FAAH: variants seen among roughly 807,000 people sequenced by gnomAD.
FAAH encodes the protein fatty-acid amide hydrolase 1.
Under a neutral mutation model 69.7 loss-of-function variants are expected in FAAH, and 63 were observed. The observed-to-expected ratio is 0.90, with a 90% CI of 0.74 to 1.12. The LOEUF (loss-of-function observed/expected upper bound fraction) is 1.12. Among genes scored for constraint, FAAH ranks in the 50% most tolerant of loss-of-function variants. FAAH has a pLI of 0.00. For synonymous variants in FAAH, 305 were observed against 324.2 expected, an observed-to-expected ratio of 0.94 and a Z score of 0.64; for missense variants, 680 against 755.0, an observed-to-expected ratio of 0.90 and a Z score of 1.16.
rs757026917 is a variant in FAAH, at chr1:46,405,100, C to T, written c.396C>T (p.Gly132=). ...ETQLSQAPRQ[G]LLYGVPVSLK... is the part of the protein sequence containing the mutation. ...AGCTGTCTCAGGCCCCAAGGCAGGG[C>T]CTGCTCTATGGCGTCCCTGTGAGCC... Residue 132 remains glycine, a synonymous_variant, in exon 3 of 15, where the codon GGC becomes GGT. Transcript: ENST00000243167. The surrounding 1 kb of genome is among the most constrained non-coding windows in gnomAD (Gnocchi z 4.1). The T allele has an allele frequency of 5.6e-6, 9 of 1,613,790 alleles. No homozygotes were observed. Among genetic ancestry groups the T allele is most frequent in the Admixed American group, 1.7e-5 (1 of 60,006 alleles).
rs982970444 is a variant in FAAH at position 46,411,747 on chromosome 1, T to C, written c.1356+96T>C. On this transcript the variant is annotated intron_variant, in intron 12 of 14. Transcript: ENST00000243167. The surrounding 1 kb of genome is among the most constrained non-coding windows in gnomAD (Gnocchi z 4.8). Reference sequence around the variant, plus strand: ...CAGTGTCTCGTGGCCACTGCCCCCATGGGGCTCCTAGACTGGCCTGTCATC... The same window carrying C: ...CAGTGTCTCGTGGCCACTGCCCCCACGGGGCTCCTAGACTGGCCTGTCATC... 7.2e-6 allele frequency: 10 copies of C among 1,384,468 alleles called. No homozygotes were observed. Among genetic ancestry groups the C allele is most frequent in the African/African-American group, 1.4e-5 (1 of 70,034 alleles). The allele number at this position is 1,384,468 out of a possible 1,614,324, so 85.8% of individuals were successfully genotyped here.
chr1:46,395,718 C>T (rs941828249), intron 1 of FAAH, among the ~76,000 whole-genome samples: 1 of 152,162 alleles, frequency 6.6e-6, no homozygotes. Flanking sequence ...AGCAGATGTT[C>T]CGCAAGTGAT....
intron 8 of FAAH, 97 bp downstream of exon 8, chr1:46,408,681 C>CT (rs1241700697): frequency 6.3e-7 from 1 of 1,584,726 alleles, no homozygotes; most frequent in African/African-American, 1.3e-5. Context: ...TCCTGGCACT[C>CT]TGACGATGTT....
At chr1:46,409,927 T>C (rs1310698523) in intron 9 of FAAH, 5 of 179,164 alleles carry the variant, frequency 2.8e-5, no homozygotes, top group Non-Finnish European at 4.8e-5. Context: ...CAGGCTTCAG[T>C]GGAAGGGGTC....
At position 46,405,050 on chromosome 1, in the gene FAAH, T is replaced by C. The variant is rs751700841; in HGVS notation, c.346T>C (p.Ser116Pro). ...EVNKGTNCVT[S>P]YLADCETQLS... Reference sequence around the variant, plus strand: ...GAACAAAGGGACCAACTGTGTGACCTCCTATCTGGCTGACTGTGAGACTCA... The same window carrying C: ...GAACAAAGGGACCAACTGTGTGACCCCCTATCTGGCTGACTGTGAGACTCA... The change falls in exon 3 of 15, where the codon TCC (serine) becomes CCC (proline). Residue 116 changes from serine to proline, a missense_variant. Transcript: ENST00000243167. This position sits in a 1 kb window ranked among gnomAD's most constrained non-coding sequence, Gnocchi z 4.1. The C allele has an allele frequency of 1.9e-6, 3 of 1,614,100 alleles. No individual in the cohort carries two copies. The highest frequency in any genetic ancestry group is 2.5e-6 in the Non-Finnish European group (3 of 1,180,030).
chr1:46,410,873 C>G lies in FAAH; in HGVS notation c.1316+19C>G. 1 of 1,614,146 alleles carries G rather than the reference C, an allele frequency of 6.2e-7. No individual in the cohort carries two copies. Among genetic ancestry groups the G allele is most frequent in the Non-Finnish European group, 8.5e-7 (1 of 1,180,014 alleles). ...AGTCTCGGTAAGGGTTCTTCTGTGT[C>G]TAGCTGCCGGCCCCTGCCTGTCCTG... On this transcript the variant is annotated intron_variant, in intron 11 of 14. Coordinates refer to ENST00000243167, the MANE Select transcript of FAAH (RefSeq NM_001441.3). The surrounding 1 kb of genome is among the most constrained non-coding windows in gnomAD (Gnocchi z 4.9).
At chr1:46,403,441 GGCCACCCTGGCCC>G (rs1664739023) in intron 2 of FAAH, among the ~76,000 whole-genome samples, 1 of 152,082 alleles carries the variant, frequency 6.6e-6, no homozygotes, top group Admixed American at 6.6e-5. Flanking sequence ...CATCCCCTTT[GGCCACCCTGGCCC>G]GCCACCACCA....
In FAAH at chr1:46,413,622, G is replaced by A. The variant is rs376477053; in HGVS notation, c.*47G>A. 11 of 1,613,154 alleles carry A rather than the reference G, an allele frequency of 6.8e-6. No individual in the cohort carries two copies. The African/African-American group carries it at 1.3e-4, about 20-fold the overall frequency. ...TGAGACTCACACTCTCTGCAGCCCA[G>A]CCTAGTCAGGGCACAGCTGCCCTGC... On this transcript the variant is annotated 3_prime_UTR_variant, in exon 15 of 15. Transcript: ENST00000243167.
chr1:46,398,575 C>T (rs929264142), intron 1 of FAAH, among the ~76,000 whole-genome samples: 1 of 149,840 alleles, frequency 6.7e-6, no homozygotes, highest in African/African-American at 2.4e-5. Flanking sequence ...GCTCTGTTGC[C>T]CAGGCTGGAG....
Position 46,411,784 on chromosome 1 carries a change from C to T in FAAH, c.1356+133C>T, listed in dbSNP as rs995902430. 23 of 967,342 alleles carry T rather than the reference C, an allele frequency of 2.4e-5. No individual in the cohort carries two copies. Among genetic ancestry groups the T allele is most frequent in the Admixed American group, 6.2e-5 (3 of 48,138 alleles). The allele number at this position is 967,342 out of a possible 1,614,324, so 59.9% of individuals were successfully genotyped here. A position where few individuals can be genotyped will look rare whatever the true frequency, so the allele number is the denominator to read the frequency against. On this transcript the variant is annotated intron_variant, in intron 12 of 14. Coordinates refer to ENST00000243167, the MANE Select transcript of FAAH (RefSeq NM_001441.3). This position sits in a 1 kb window ranked among gnomAD's most constrained non-coding sequence, Gnocchi z 4.8. ...ACTGGCCTGTCATCCCCCTTCCACT[C>T]CCTGGACCACCACTTGGGCCCAGCT...
intron 2 of FAAH, among the ~76,000 whole-genome samples, chr1:46,403,156 A>T (rs2148447665): frequency 6.8e-6 from 1 of 147,294 alleles, no homozygotes; most frequent in African/African-American, 2.5e-5. Flanking sequence ...TTGAGATGGG[A>T]GTCTTGCTCT....
At chr1:46,395,803 A>C (rs1161258111) in intron 1 of FAAH, among the ~76,000 whole-genome samples, 2 of 152,180 alleles carry the variant, frequency 1.3e-5, no homozygotes, top group African/African-American at 4.8e-5. Context: ...CGTGGAGAGG[A>C]ACAGGAGAGA....
Position 46,405,215 on chromosome 1 carries a change from G to C in FAAH, c.444+67G>C. On this transcript the variant is annotated intron_variant, in intron 3 of 14. Coordinates refer to ENST00000243167, the MANE Select transcript of FAAH (RefSeq NM_001441.3). The surrounding 1 kb of genome is among the most constrained non-coding windows in gnomAD (Gnocchi z 4.1). ...TCCCTGCCAGCCTGCTCTGCATCTT[G>C]GGTCATTTTGGGCCCTTAGAGGAGG... is the stretch of plus-strand genomic sequence containing the variant. 6.2e-7 allele frequency: 1 copy of C among 1,612,852 alleles called. No individual in the cohort carries two copies. The highest frequency in any genetic ancestry group is 1.1e-5 in the South Asian group (1 of 90,958).
chr1:46,406,941 C>G (rs1274199990), intron 7 of FAAH, among the ~76,000 whole-genome samples: 1 of 152,086 alleles, frequency 6.6e-6, no homozygotes, highest in Non-Finnish European at 1.5e-5. Flanking sequence ...CCAGCCTCAG[C>G]TGCTGGCACC....
In FAAH at chr1:46,398,552, G is replaced by A. The variant is rs113802249; in HGVS notation, c.196-3539G>A. On this transcript the variant is annotated intron_variant, in intron 1 of 14. Transcript: ENST00000243167. The stretch of plus-strand genomic sequence containing the variant: ...GCAACCAAGATTCTTTTTTTTTTTT[G>A]AGTCAGAGTCTTGCTCTGTTGCCCA... 3.8e-3 allele frequency among the ~76,000 whole-genome samples: 399 copies of A among 103,740 alleles called. 3 individuals are homozygous for A. Among genetic ancestry groups the A allele is most frequent in the African/African-American group, 0.011 (374 of 32,848 alleles). The allele number at this position is 103,740 out of a possible 152,430, so 68.1% of individuals were successfully genotyped here. A position where few individuals can be genotyped will look rare whatever the true frequency, so the allele number is the denominator to read the frequency against.
rs2148454901 is a variant in FAAH at position 46,413,606 on chromosome 1, C to T, written c.*31C>T. 1.2e-6 allele frequency: 2 copies of T among 1,613,860 alleles called. No homozygotes were observed. Among genetic ancestry groups the T allele is most frequent in the Non-Finnish European group, 1.7e-6 (2 of 1,179,876 alleles). ...CTGGCTCCAGAGGACCTGAGACTCA[C>T]ACTCTCTGCAGCCCAGCCTAGTCAG... On this transcript the variant is annotated 3_prime_UTR_variant, in exon 15 of 15. Coordinates refer to ENST00000243167, the MANE Select transcript of FAAH (RefSeq NM_001441.3).
Position 46,410,980 on chromosome 1 carries a change from G to C in FAAH, c.1316+126G>C. ...CTGAGGCTGGAAGTGGCCCAGGCAG[G>C]GGGGCAACCTTTGTGGCCTTCAGAT... On this transcript the variant is annotated intron_variant, in intron 11 of 14. Coordinates refer to ENST00000243167, the MANE Select transcript of FAAH (RefSeq NM_001441.3). This position sits in a 1 kb window ranked among gnomAD's most constrained non-coding sequence, Gnocchi z 4.9. The C allele has an allele frequency of 8.5e-7, 1 of 1,170,912 alleles. No individual in the cohort carries two copies. 72.5% of individuals were successfully genotyped at this position (1,170,912 alleles called of 1,614,324 possible). A position where few individuals can be genotyped will look rare whatever the true frequency, so the allele number is the denominator to read the frequency against.
chr1:46,395,674 TG>T (rs1664583244), intron 1 of FAAH, among the ~76,000 whole-genome samples: 1 of 152,048 alleles, frequency 6.6e-6, no homozygotes, highest in East Asian at 1.9e-4. Flanking sequence ...TGTGCCTGGG[TG>T]GGAGACAGAA....
At position 46,405,033 on chromosome 1, in the gene FAAH, G is replaced by A. The variant is rs137933045; in HGVS notation, c.329G>A (p.Gly110Glu). 2.6e-4 allele frequency: 425 copies of A among 1,613,968 alleles called. 5 individuals are homozygous for A. Among genetic ancestry groups the A allele is most frequent in the Admixed American group, 2.5e-4 (15 of 60,012 alleles). Residue 110 changes from glycine (G) to glutamate (E), a missense_variant, in exon 3 of 15, where the codon GGG becomes GAG. Gly to Glu is a moderately conservative substitution (Grantham distance 98, BLOSUM62 -2). Coordinates refer to ENST00000243167, the MANE Select transcript of FAAH (RefSeq NM_001441.3). This position sits in a 1 kb window ranked among gnomAD's most constrained non-coding sequence, Gnocchi z 4.1. ...YVGKAWEVNK[G>E]TNCVTSYLAD... Reference sequence around the variant, plus strand: ...CCTCAGGCCTGGGAAGTGAACAAAGGGACCAACTGTGTGACCTCCTATCTG... The same window carrying A: ...CCTCAGGCCTGGGAAGTGAACAAAGAGACCAACTGTGTGACCTCCTATCTG...
Sources: allele counts gnomAD v4.1 joint callset (sites outside exome capture counted in the v4.1 genomes callset), GRCh38; gene constraint gnomAD v4.1.1; non-coding constraint Gnocchi (gnomAD v3.1); transcripts MANE v1.5; gene names NCBI Gene and HGNC (gene_info 2026-07-23, HGNC 2026-07-21).